PARP8: variants seen among roughly 807,000 people sequenced by gnomAD.
The protein encoded by PARP8 is poly(ADP-ribose) polymerase family member 8, also known as protein mono-ADP-ribosyltransferase PARP8.
PARP8 carries 51 observed loss-of-function variants against 124.1 expected under a neutral mutation model. The observed-to-expected ratio is 0.41, with a 90% confidence interval of 0.33 to 0.52. The LOEUF (loss-of-function observed/expected upper bound fraction) is 0.52, where lower values mean the gene tolerates loss of function less well. Among genes scored for constraint, PARP8 ranks in the 20% least tolerant of loss-of-function variants. The pLI is 0.21. For missense variants in PARP8, 860 were observed against 1,018.9 expected, an observed-to-expected ratio of 0.84 and a Z score of 2.12; for synonymous variants, 391 against 361.5, an observed-to-expected ratio of 1.08 and a Z score of -0.93.
At chr5:50,668,251 T>G (rs1749592735) in intron 2 of PARP8, 126 bp downstream of exon 2, 2 of 874,206 alleles carry the variant, frequency 2.3e-6, no homozygotes, top group African/African-American at 1.7e-5. Context: ...TTTCTTTACC[T>G]GCTACCCAAG....
chr5:50,788,067 G>C (rs1313209811), intron 9 of PARP8, among the ~76,000 whole-genome samples: 5 of 149,006 alleles, frequency 3.4e-5, no homozygotes, highest in African/African-American at 4.9e-5. Context: ...ATGCAAACAT[G>C]TTGTCTTTCT....
At chr5:50,713,257 T>A (rs997118809) in intron 2 of PARP8, among the ~76,000 whole-genome samples, 1 of 151,456 alleles carries the variant, frequency 6.6e-6, no homozygotes, top group African/African-American at 2.4e-5. Flanking sequence ...TATTATTATT[T>A]TGAGACAGGG....
At chr5:50,693,662 CAG>C (rs1191171217) in intron 2 of PARP8, among the ~76,000 whole-genome samples, 2 of 151,116 alleles carry the variant, frequency 1.3e-5, no homozygotes, top group African/African-American at 2.4e-5. Flanking sequence ...AATTAAGTCA[CAG>C]AAATCAATCA....
chr5:50,667,897 G>T (rs986581626), intron 1 of PARP8, 174 bp from the exon 2 acceptor site: 50 of 1,496,480 alleles, frequency 3.3e-5, no homozygotes, highest in Non-Finnish European at 4.3e-5. Context: ...GCACCCAGTC[G>T]GGGGCGCGCC....
intron 9 of PARP8, among the ~76,000 whole-genome samples, chr5:50,781,625 T>G (rs1740686138): frequency 6.6e-6 from 1 of 152,174 alleles, no homozygotes; most frequent in African/African-American, 2.4e-5. Context: ...TCTGCACCCT[T>G]GGCTGCTAAC....
intron 1 of PARP8, among the ~76,000 whole-genome samples, 200 bp downstream of exon 1, chr5:50,667,386 G>T (rs1359617333): frequency 1.3e-5 from 2 of 152,242 alleles, no homozygotes; most frequent in Non-Finnish European, 2.9e-5. Flanking sequence ...CCACCGCCAA[G>T]TCTGAGGCAG....
At chr5:50,828,274 T>C in intron 20 of PARP8, 38 bp from the exon 21 acceptor site, 1 of 1,573,418 alleles carries the variant, frequency 6.4e-7, no homozygotes, top group South Asian at 1.1e-5. Context: ...ATAATTAATT[T>C]TCTGGTTTTG....
chr5:50,829,904 A>G lies in PARP8; in HGVS notation c.2176A>G (p.Met726Val), dbSNP rs142626343. Residue 726 changes from methionine to valine, a missense_variant, in exon 22 of 26, where the codon ATG becomes GTG. By Grantham distance (21) the Met-to-Val change is conservative. Around this residue, in one of 2 missense-constraint regions of PARP8, gnomAD observed 343 missense variants for 474.7 expected, o/e 0.72. Transcript: ENST00000281631. ...SNTRLQLHGA[M>V]YGSGIYLSPM... is the part of the protein sequence containing the mutation. ...CTTCCCATCTTAGCTCCATGGTGCA[A>G]TGTATGGAAGTGGAATCTATCTTAG... is the stretch of plus-strand genomic sequence containing the variant. 1.7e-3 allele frequency: 2,724 copies of G among 1,608,370 alleles called. 13 individuals are homozygous for G. Among genetic ancestry groups the G allele is most frequent in the Middle Eastern group, 6.0e-3 (36 of 6,032 alleles).
At chr5:50,796,950 A>G in intron 12 of PARP8, 32 bp from the exon 13 acceptor site, 2 of 1,575,684 alleles carry the variant, frequency 1.3e-6, no homozygotes, top group Non-Finnish European at 1.7e-6. Context: ...ATTTAAAAAA[A>G]TTATCATTTT....
intron 7 of PARP8, among the ~76,000 whole-genome samples, chr5:50,768,678 C>T (rs1761291588): frequency 6.6e-6 from 1 of 152,118 alleles, no homozygotes; most frequent in African/African-American, 2.4e-5. Context: ...CTTCACAATT[C>T]AAGTTGTAGT....
intron 2 of PARP8, among the ~76,000 whole-genome samples, chr5:50,747,374 T>C (rs1758702823): frequency 6.6e-6 from 1 of 152,108 alleles, no homozygotes; most frequent in African/African-American, 2.4e-5. Flanking sequence ...TATAGCTCAG[T>C]ATATGATCTA....
intron 2 of PARP8, among the ~76,000 whole-genome samples, chr5:50,704,400 A>G (rs1347206976): frequency 6.6e-6 from 1 of 152,190 alleles, no homozygotes; most frequent in African/African-American, 2.4e-5. Context: ...TGACCAAGAT[A>G]TAATTACCTA....
intron 2 of PARP8, among the ~76,000 whole-genome samples, chr5:50,693,699 T>A (rs1469398394): frequency 1.3e-5 from 2 of 151,550 alleles, no homozygotes; most frequent in Admixed American, 6.6e-5. Context: ...TGTAAATTAA[T>A]CATTTGATTG....
At chr5:50,820,484 C>T (rs1426463503) in intron 15 of PARP8, among the ~76,000 whole-genome samples, 1 of 152,122 alleles carries the variant, frequency 6.6e-6, no homozygotes. Context: ...AGTACTGCCT[C>T]TTAGTAGATT....
intron 9 of PARP8, among the ~76,000 whole-genome samples, chr5:50,785,740 G>A (rs998652005): frequency 6.6e-6 from 1 of 152,138 alleles, no homozygotes; most frequent in Non-Finnish European, 1.5e-5. Flanking sequence ...TTCCTTGATT[G>A]ATGGAGCATT....
chr5:50,673,087 A>G (rs1405725631), intron 2 of PARP8, among the ~76,000 whole-genome samples: 1 of 152,254 alleles, frequency 6.6e-6, no homozygotes, highest in East Asian at 1.9e-4. Context: ...ATGTTATATC[A>G]CTTATTATAT....
intron 14 of PARP8, among the ~76,000 whole-genome samples, chr5:50,814,932 A>G (rs1434256227): frequency 6.6e-6 from 1 of 152,132 alleles, no homozygotes; most frequent in African/African-American, 2.4e-5. Flanking sequence ...CAACAAAACG[A>G]GTCTTTCAAG....
At chr5:50,754,465 A>C (rs958845010) in intron 3 of PARP8, among the ~76,000 whole-genome samples, 2 of 151,910 alleles carry the variant, frequency 1.3e-5, no homozygotes, top group Non-Finnish European at 2.9e-5. Flanking sequence ...TAGTTTGCTG[A>C]GAATGATGGT....
At chr5:50,677,821 A>G (rs1750809920) in intron 2 of PARP8, among the ~76,000 whole-genome samples, 1 of 152,226 alleles carries the variant, frequency 6.6e-6, no homozygotes, top group South Asian at 2.1e-4. Context: ...AAATGTTGAC[A>G]TTGCCAGCCT....
Sources: allele counts gnomAD v4.1 joint callset (sites outside exome capture counted in the v4.1 genomes callset), GRCh38; gene constraint gnomAD v4.1.1; regional missense constraint gnomAD v4.1.1; transcripts MANE v1.5; gene names NCBI Gene and HGNC (gene_info 2026-07-23, HGNC 2026-07-21).